CRB2: variants seen among roughly 807,000 people sequenced by gnomAD.
CRB2 encodes crumbs cell polarity complex component 2.
Under a neutral mutation model 110.9 loss-of-function variants are expected in CRB2, and 85 were observed. That is an observed-to-expected ratio of 0.77 (90% confidence interval 0.64 to 0.92). The LOEUF (loss-of-function observed/expected upper bound fraction) is 0.92. CRB2 is among the 40% of genes least tolerant of loss of function. CRB2 has a pLI of 0.00. For synonymous variants in CRB2, 907 were observed against 831.0 expected, an observed-to-expected ratio of 1.09 and a Z score of -1.57; for missense variants, 1,843 against 1,851.3, an observed-to-expected ratio of 1.00 and a Z score of 0.08.
At position 123,366,224 on chromosome 9, in the gene CRB2, C is replaced by A; in HGVS notation, c.615-3C>A. ...CTCAGCTCCGCCGGTGCGCCCTCCCCAGGTTCCGGTGCGACTGCGCGGGCA... is the reference window on the plus strand; with the variant it reads ...CTCAGCTCCGCCGGTGCGCCCTCCCAAGGTTCCGGTGCGACTGCGCGGGCA... On this transcript the variant is annotated splice_polypyrimidine_tract_variant and splice_region_variant and intron_variant, in intron 3 of 12. Transcript: ENST00000373631. The A allele has an allele frequency of 6.9e-7, 1 of 1,449,906 alleles. No homozygotes were observed. The highest frequency in any genetic ancestry group is 9.0e-7 in the Non-Finnish European group (1 of 1,110,680). The allele number at this position is 1,449,906 out of a possible 1,614,324, so 89.8% of individuals were successfully genotyped here. A position where few individuals can be genotyped will look rare whatever the true frequency, so the allele number is the denominator to read the frequency against.
chr9:123,370,326 C>G lies in CRB2; in HGVS notation c.1273C>G (p.His425Asp), dbSNP rs763947687. The G allele has an allele frequency of 2.5e-6, 4 of 1,613,780 alleles. No homozygotes were observed. Reference sequence around the variant, plus strand: ...GTCTGGGGTCCACAGTTACGTCTGCCACTGCCCACCTGGTACCCATGGACC... The same window carrying G: ...GTCTGGGGTCCACAGTTACGTCTGCGACTGCCCACCTGGTACCCATGGACC... ...FESGVHSYVC[H>D]CPPGTHGPFC... The change falls in exon 7 of 13, where the codon CAC becomes GAC. Residue 425 changes from histidine (H) to aspartate (D), a missense_variant. Transcript: ENST00000373631.
At position 123,371,302 on chromosome 9, in the gene CRB2, C is replaced by T. The variant is rs1358227630; in HGVS notation, c.2160C>T (p.Arg720=). The T allele has an allele frequency of 5.0e-6, 8 of 1,612,654 alleles. No homozygotes were observed. The highest frequency in any genetic ancestry group is 4.4e-5 in the South Asian group (4 of 90,948). The change falls in exon 8 of 13, where the codon CGC becomes CGT. Residue 720 remains arginine (R), a synonymous_variant. Transcript: ENST00000373631. ...PGSPAVVLPG[R]WDDGLRHLVM... ...GTCCTGCTGTAGTGCTCCCTGGGCG[C>T]TGGGATGATGGGCTCCGTCACCTGG...
At chr9:123,355,843 AG>A (rs1006788852), upstream of CRB2, among the ~76,000 whole-genome samples, 12 of 149,384 alleles carry the variant, frequency 8.0e-5, no homozygotes, top group Admixed American at 2.0e-4. Context: ...AGAGGTGGGG[AG>A]GGGGATCCAG....
At chr9:123,369,956 G>C (rs765073705) in intron 6 of CRB2, 152 bp from the exon 7 acceptor site, 9 of 886,886 alleles carry the variant, frequency 1.0e-5, no homozygotes, top group South Asian at 1.7e-5. Flanking sequence ...TCTGGCCTAC[G>C]GGGGGACTTG....
At chr9:123,379,330 G>A (rs546613169), downstream of CRB2, among the ~76,000 whole-genome samples, 1 of 152,172 alleles carries the variant, frequency 6.6e-6, no homozygotes, top group South Asian at 2.1e-4. Flanking sequence ...ACCTGTGGGG[G>A]CGACTTGCCA....
rs1199915082 is a variant in CRB2 at position 123,370,864 on chromosome 9, A to G, written c.1811A>G (p.Glu604Gly). 1 of 1,609,838 alleles carries G rather than the reference A, an allele frequency of 6.2e-7. No individual in the cohort carries two copies. Among genetic ancestry groups the G allele is most frequent in the Non-Finnish European group, 8.5e-7 (1 of 1,179,960 alleles). The change falls in exon 7 of 13, where the codon GAG becomes GGG. Residue 604 changes from glutamate (E) to glycine (G), a missense_variant. Transcript: ENST00000373631. ...GGTGAGAACGTCCTCCTGGGCTGTG[A>G]GCGCCGAGAGCAGTGCCGGCCTCTG... ...DLGENVLLGC[E>G]RREQCRPLPC...
At chr9:123,379,931 C>T (rs2042192937), downstream of CRB2, 1 of 152,324 alleles carries the variant, frequency 6.6e-6, no homozygotes, top group Non-Finnish European at 1.5e-5. Flanking sequence ...CCCCATGGCC[C>T]AGGAGTGACA....
Position 123,373,270 on chromosome 9 carries a change from G to C in CRB2, c.2739G>C (p.Ala913=). The stretch of plus-strand genomic sequence containing the variant: ...CCGAGGCCTGGCTGCTGCGTGCCGC[G>C]GCGGGCGCCCTGGAAGGCGTGTGGC... ...RDSEAWLLRA[A]AGALEGVWLA... Residue 913 remains alanine (A), a synonymous_variant, in exon 10 of 13, where the codon GCG becomes GCC. Coordinates refer to ENST00000373631, the MANE Select transcript of CRB2 (RefSeq NM_173689.7). 2 of 1,484,516 alleles carry C rather than the reference G, an allele frequency of 1.3e-6. No individual in the cohort carries two copies. Among genetic ancestry groups the C allele is most frequent in the Non-Finnish European group, 1.8e-6 (2 of 1,126,748 alleles). 92.0% of individuals were successfully genotyped at this position (1,484,516 alleles called of 1,614,324 possible).
Position 123,377,124 on chromosome 9 carries a change from A to C in CRB2, c.*62A>C. 1 of 1,397,588 alleles carries C rather than the reference A, an allele frequency of 7.2e-7. No individual in the cohort carries two copies. The highest frequency in any genetic ancestry group is 9.6e-7 in the Non-Finnish European group (1 of 1,045,736). The allele number at this position is 1,397,588 out of a possible 1,614,324, so 86.6% of individuals were successfully genotyped here. A position where few individuals can be genotyped will look rare whatever the true frequency, so the allele number is the denominator to read the frequency against. ...TGAATGGTTTCTACCTGGAGACCCA[A>C]GGAAGCTGCTTCCAGGGCTCGGGAC... On this transcript the variant is annotated 3_prime_UTR_variant, in exon 13 of 13. Coordinates refer to ENST00000373631, the MANE Select transcript of CRB2 (RefSeq NM_173689.7).
intron 11 of CRB2, 88 bp from the exon 12 acceptor site, chr9:123,375,129 G>T: frequency 6.3e-7 from 1 of 1,575,574 alleles, no homozygotes; most frequent in Admixed American, 1.7e-5. Context: ...TCTGATGCTT[G>T]CTGAAGTGGG....
At position 123,373,819 on chromosome 9, in the gene CRB2, C is replaced by T. The variant is rs755867686; in HGVS notation, c.3288C>T (p.Asp1096=). 4 of 1,583,894 alleles carry T rather than the reference C, an allele frequency of 2.5e-6. No individual in the cohort carries two copies. Among genetic ancestry groups the T allele is most frequent in the Non-Finnish European group, 3.4e-6 (4 of 1,172,576 alleles). Residue 1096 remains aspartate (D), a synonymous_variant, in exon 10 of 13, where the codon GAC becomes GAT. Coordinates refer to ENST00000373631, the MANE Select transcript of CRB2 (RefSeq NM_173689.7). ...GCCCGCGCTGCGAAGCCCACGTCGA[C>T]CCCTGTCACTCCGCCCCCTGCGCCC... ...WEGPRCEAHV[D]PCHSAPCARG... is the part of the protein sequence containing the mutation.
At chr9:123,354,229 C>T (rs2041775899), upstream of CRB2, among the ~76,000 whole-genome samples, 1 of 152,254 alleles carries the variant, frequency 6.6e-6, no homozygotes, top group African/African-American at 2.4e-5. Context: ...ACTTCCAGGT[C>T]TGGCCACAAG....
intron 2 of CRB2, among the ~76,000 whole-genome samples, chr9:123,364,690 G>C (rs1025661459): frequency 6.6e-6 from 1 of 152,182 alleles, no homozygotes; most frequent in Admixed American, 6.5e-5. Context: ...ACCCACTTAG[G>C]GGGCAGGGCC....
chr9:123,356,743 G>A (rs1040138119), intron 1 of CRB2, among the ~76,000 whole-genome samples: 3 of 152,022 alleles, frequency 2.0e-5, no homozygotes, highest in Non-Finnish European at 2.9e-5. Context: ...GGTGGCATAA[G>A]CCTCACCCCA....
rs771530155 is a variant in CRB2, at chr9:123,369,610, C to T, written c.1055-498C>T. Among the ~76,000 whole-genome samples, 46 of 152,102 alleles carry T rather than the reference C, an allele frequency of 3.0e-4. 1 individual carries two copies. Among genetic ancestry groups the T allele is most frequent in the Non-Finnish European group, 5.9e-4 (40 of 68,022 alleles). ...CCAGGAAATGCTCGGAGGAATGGGA[C>T]GTTCAAGATTTGTGGGAAGCAGGAT... On this transcript the variant is annotated intron_variant, in intron 6 of 12. Transcript: ENST00000373631.
upstream of CRB2, chr9:123,356,022 C>G (rs1263071133): frequency 2.5e-6 from 1 of 396,048 alleles, no homozygotes; most frequent in East Asian, 3.7e-5. Context: ...GTGCCAAGAC[C>G]AGGTCAGCCC....
chr9:123,363,031 A>G lies in CRB2; in HGVS notation c.261A>G (p.Pro87=). 6.2e-7 allele frequency: 1 copy of G among 1,612,578 alleles called. No homozygotes were observed. The highest frequency in any genetic ancestry group is 8.5e-7 in the Non-Finnish European group (1 of 1,179,918). ...HHGALCVPQG[P]DPTGFRCYCV... is the part of the protein sequence containing the mutation. ...GCGCTCTGTGTGTGCCCCAGGGTCC[A>G]GATCCCACCGGCTTCCGCTGCTACT... Residue 87 remains proline (P), a synonymous_variant, in exon 2 of 13, where the codon CCA becomes CCG. Coordinates refer to ENST00000373631, the MANE Select transcript of CRB2 (RefSeq NM_173689.7).
At position 123,370,193 on chromosome 9, in the gene CRB2, T is replaced by A; in HGVS notation, c.1140T>A (p.Tyr380Ter). ...GGTCSDTVAG[Y>*]ICRCPETWGG... ...CCTGCAGTGACACTGTGGCAGGCTA[T>A]ATCTGCAGGTGCCCAGAGACCTGGG... is the stretch of plus-strand genomic sequence containing the variant. Residue 380 changes from tyrosine (Y) to a stop codon, truncating the protein, a stop_gained, in exon 7 of 13, where the codon TAT (tyrosine) becomes TAA (stop). Coordinates refer to ENST00000373631, the MANE Select transcript of CRB2 (RefSeq NM_173689.7). LOFTEE classifies it high-confidence loss of function. The A allele has an allele frequency of 6.2e-7, 1 of 1,613,046 alleles. No homozygotes were observed.
Position 123,372,177 on chromosome 9 carries a change from C to A in CRB2, c.2437C>A (p.Pro813Thr), listed in dbSNP as rs755976167. The part of the protein sequence containing the change: ...AGCVSEDMCS[P>T]DPCFNGGTCL... ...AACCCCTGCCCTGCCTCTCCCACAGCCTGACCCCTGTTTCAATGGTGGGAC... is the reference window on the plus strand; with the variant it reads ...AACCCCTGCCCTGCCTCTCCCACAGACTGACCCCTGTTTCAATGGTGGGAC... Residue 813 changes from proline to threonine, a missense_variant and splice_region_variant, in exon 9 of 13, where the codon CCT becomes ACT. Physicochemically the swap from Pro to Thr is conservative, Grantham distance 38. Coordinates refer to ENST00000373631, the MANE Select transcript of CRB2 (RefSeq NM_173689.7). The A allele has an allele frequency of 1.9e-6, 3 of 1,614,072 alleles. No individual in the cohort carries two copies. Among genetic ancestry groups the A allele is most frequent in the South Asian group, 1.1e-5 (1 of 91,078 alleles).
Sources: allele counts gnomAD v4.1 joint callset (sites outside exome capture counted in the v4.1 genomes callset), GRCh38; gene constraint gnomAD v4.1.1; transcripts MANE v1.5; gene names NCBI Gene and HGNC (gene_info 2026-07-23, HGNC 2026-07-21).